DAAM1: variants seen among roughly 807,000 people sequenced by gnomAD.
DAAM1 encodes disheveled-associated activator of morphogenesis 1.
In DAAM1, 52 loss-of-function variants were observed where a neutral mutation model predicts 130.0. That is an observed-to-expected ratio of 0.40 (90% CI 0.32 to 0.50). The LOEUF is 0.50. Among genes scored for constraint, DAAM1 ranks in the 20% least tolerant of loss-of-function variants. The pLI, the probability that DAAM1 is intolerant of heterozygous loss-of-function variation, is 0.61. For synonymous variants in DAAM1, 452 were observed against 444.5 expected, an observed-to-expected ratio of 1.02 and a Z score of -0.21; for missense variants, 1,134 against 1,303.8, an observed-to-expected ratio of 0.87 and a Z score of 2.01.
At chr14:59,295,692 A>G (rs1171342117) in intron 3 of DAAM1, among the ~76,000 whole-genome samples, 1 of 152,214 alleles carries the variant, frequency 6.6e-6, no homozygotes, top group African/African-American at 2.4e-5. Context: ...ATTAAAGTCA[A>G]AAGAAACCAT....
At chr14:59,293,782 G>A (rs1050939461) in intron 3 of DAAM1, among the ~76,000 whole-genome samples, 2 of 152,158 alleles carry the variant, frequency 1.3e-5, no homozygotes, top group Non-Finnish European at 2.9e-5. Flanking sequence ...AATAAATTGG[G>A]AAATACACAA....
At chr14:59,222,927 G>C (rs1027706466) in intron 1 of DAAM1, among the ~76,000 whole-genome samples, 3 of 152,232 alleles carry the variant, frequency 2.0e-5, no homozygotes, top group Admixed American at 1.3e-4. Context: ...GTGGACTGCT[G>C]AAGTTCTGCC....
intron 3 of DAAM1, among the ~76,000 whole-genome samples, chr14:59,299,337 T>G (rs1429504847): frequency 6.6e-6 from 1 of 152,246 alleles, no homozygotes; most frequent in Non-Finnish European, 1.5e-5. Flanking sequence ...TTAACCTTTC[T>G]AATTTCTCGC....
chr14:59,330,245 G>T (rs1370646473), intron 12 of DAAM1, among the ~76,000 whole-genome samples: 1 of 151,638 alleles, frequency 6.6e-6, no homozygotes, highest in African/African-American at 2.4e-5. Context: ...TTTGTTCTGT[G>T]TTTAGAACTG....
chr14:59,210,597 C>T lies in DAAM1; in HGVS notation c.-38+21829C>T, dbSNP rs527721323. ...GATTAAGGGTCTCTTGCTTCAGTTT[C>T]GCATAATTAATTATCTTAACATACC... On this transcript the variant is annotated intron_variant, in intron 1 of 24. Transcript: ENST00000360909. Among the ~76,000 whole-genome samples, 28 of 152,250 alleles carry T rather than the reference C, an allele frequency of 1.8e-4. No individual in the cohort carries two copies. In the South Asian group the frequency reaches 4.3e-3, roughly 24 times the overall value.
intron 1 of DAAM1, among the ~76,000 whole-genome samples, chr14:59,226,265 T>C (rs772339072): frequency 5.3e-5 from 8 of 152,208 alleles, no homozygotes; most frequent in African/African-American, 9.7e-5. Context: ...TGTAAGAGCA[T>C]AGAGAAGGCA....
At chr14:59,315,740 A>G (rs1394465591) in intron 4 of DAAM1, among the ~76,000 whole-genome samples, 1 of 152,208 alleles carries the variant, frequency 6.6e-6, no homozygotes, top group African/African-American at 2.4e-5. Flanking sequence ...TTTCTTTACT[A>G]TATCCCTCCC....
At position 59,326,648 on chromosome 14, in the gene DAAM1, T is replaced by C. The variant is rs1440146519; in HGVS notation, c.1313T>C (p.Met438Thr). Reference sequence around the variant, plus strand: ...TTTAATATTAAGAATGTCGTACGAATGTAAGTCTCTTCTTATTCTGCTGCT... The same window carrying C: ...TTTAATATTAAGAATGTCGTACGAACGTAAGTCTCTTCTTATTCTGCTGCT... ...ENFNIKNVVR[M>T]LVNENEVKQW... The change falls in exon 11 of 25, where the codon ATG (methionine) becomes ACG (threonine). Residue 438 changes from methionine (M) to threonine (T), a missense_variant and splice_region_variant. Met to Thr is a moderately conservative substitution (Grantham distance 81, BLOSUM62 -1). This residue lies in a region of DAAM1 where 391 missense variants were observed against 521.6 expected (regional missense o/e 0.75). Coordinates refer to ENST00000360909, the MANE Select transcript of DAAM1 (RefSeq NM_001270520.2). 1 of 1,611,434 alleles carries C rather than the reference T, an allele frequency of 6.2e-7. No homozygotes were observed. Among genetic ancestry groups the C allele is most frequent in the Non-Finnish European group, 8.5e-7 (1 of 1,179,272 alleles).
At chr14:59,347,724 A>C in intron 17 of DAAM1, 101 bp downstream of exon 17, 1 of 1,153,276 alleles carries the variant, frequency 8.7e-7, no homozygotes, top group Non-Finnish European at 1.3e-6. Flanking sequence ...TCATTTCCTC[A>C]TCTATGAATT....
intron 17 of DAAM1, among the ~76,000 whole-genome samples, chr14:59,350,599 GTCC>G (rs1252363577): frequency 6.6e-6 from 1 of 151,964 alleles, no homozygotes; most frequent in East Asian, 1.9e-4. Context: ...CTGCTGCACT[GTCC>G]TCCTCCCCTC....
chr14:59,257,212 C>G (rs1211849255), intron 1 of DAAM1, among the ~76,000 whole-genome samples: 3 of 152,074 alleles, frequency 2.0e-5, no homozygotes, highest in Non-Finnish European at 4.4e-5. Context: ...GGGAAGAACA[C>G]CCAGTCACGT....
At chr14:59,347,477 G>T in intron 16 of DAAM1, 62 bp from the exon 17 acceptor site, 2 of 1,489,664 alleles carry the variant, frequency 1.3e-6, no homozygotes, top group South Asian at 2.4e-5. Context: ...GTAGCAAAGT[G>T]AATTATGTTA....
chr14:59,291,731 C>A (rs1330250609), intron 3 of DAAM1, among the ~76,000 whole-genome samples: 3 of 152,100 alleles, frequency 2.0e-5, no homozygotes, highest in Non-Finnish European at 4.4e-5. Context: ...ACTCTCCAGC[C>A]CCTTCATGTT....
chr14:59,368,872 A>ACTTTT lies in DAAM1; in HGVS notation c.*14_*18dup, dbSNP rs1162460877. 6.2e-7 allele frequency: 1 copy of ACTTTT among 1,611,472 alleles called. No individual in the cohort carries two copies. The highest frequency in any genetic ancestry group is 1.3e-5 in the African/African-American group (1 of 74,856). On this transcript the variant is annotated 3_prime_UTR_variant, in exon 25 of 25. Transcript: ENST00000360909. ...ACTTAATTTCTAATTTTCCATGAAT[A>ACTTTT]CTTTTTTTTAGAAAGCTCATTAGCA...
intron 1 of DAAM1, among the ~76,000 whole-genome samples, chr14:59,247,543 A>C (rs1881443584): frequency 6.6e-6 from 1 of 152,142 alleles, no homozygotes; most frequent in Non-Finnish European, 1.5e-5. Context: ...TATCTTCTTT[A>C]ATTACTTTCA....
At chr14:59,210,113 GC>G (rs1167792276) in intron 1 of DAAM1, among the ~76,000 whole-genome samples, 1 of 152,146 alleles carries the variant, frequency 6.6e-6, no homozygotes, top group East Asian at 1.9e-4. Flanking sequence ...GTGCACCCCA[GC>G]CCGAGGGTCT....
At chr14:59,283,228 T>C (rs1883297068) in intron 2 of DAAM1, among the ~76,000 whole-genome samples, 1 of 152,198 alleles carries the variant, frequency 6.6e-6, no homozygotes, top group African/African-American at 2.4e-5. Flanking sequence ...AGCAAGTTAC[T>C]ATTGAACTGT....
intron 2 of DAAM1, among the ~76,000 whole-genome samples, chr14:59,287,516 A>G (rs982450082): frequency 6.6e-6 from 1 of 152,184 alleles, no homozygotes; most frequent in Non-Finnish European, 1.5e-5. Flanking sequence ...GTGTTTCTAT[A>G]CCTAGAAAAC....
intron 4 of DAAM1, among the ~76,000 whole-genome samples, chr14:59,319,189 G>A (rs575101363): frequency 6.6e-6 from 1 of 152,258 alleles, no homozygotes; most frequent in African/African-American, 2.4e-5. Context: ...CCATCCCCTG[G>A]TGACAGCTGT....
Sources: allele counts gnomAD v4.1 joint callset (sites outside exome capture counted in the v4.1 genomes callset), GRCh38; gene constraint gnomAD v4.1.1; regional missense constraint gnomAD v4.1.1; transcripts MANE v1.5; gene names NCBI Gene and HGNC (gene_info 2026-07-23, HGNC 2026-07-21).